Variants in TRIM46 observed in about 807,000 individuals in gnomAD.
TRIM46 encodes the protein tripartite motif containing 46.
TRIM46 carries 17 observed loss-of-function variants against 69.7 expected under a neutral mutation model. The ratio of observed to expected loss-of-function variants is 0.24; its 90% CI spans 0.17 to 0.37. The LOEUF is 0.37. Ranked by LOEUF, TRIM46 falls within the 10% of genes least tolerant of loss-of-function variation. The pLI is 1.00. For missense variants in TRIM46, 675 were observed against 1,025.1 expected (o/e 0.66, Z 4.66); for synonymous variants, 391 against 429.0 (o/e 0.91, Z 1.09).
Position 155,181,461 on chromosome 1 carries a change from TG to T in TRIM46, c.1589-390del, listed in dbSNP as rs1666169847. Among the ~76,000 whole-genome samples, 1 of 151,912 alleles carries T rather than the reference TG, an allele frequency of 6.6e-6. No individual in the cohort carries two copies. On this transcript the variant is annotated intron_variant, in intron 8 of 9. Transcript: ENST00000334634. This position sits in a 1 kb window ranked among gnomAD's most constrained non-coding sequence, Gnocchi z 4.3. ...ATAGGGGCTGGGTATAAGGGCCAGG[TG>T]TGAACCCAGAGTATGGGCTGGAAGG...
intron 9 of TRIM46, chr1:155,182,401 T>C: frequency 3.5e-6 from 2 of 577,386 alleles, no homozygotes; most frequent in South Asian, 2.2e-5. Flanking sequence ...GAGGGAGCCA[T>C]CTCTGCTTCC....
chr1:155,178,108 A>G lies in TRIM46; in HGVS notation c.1016A>G (p.Gln339Arg). Residue 339 changes from glutamine to arginine, a missense_variant, in exon 6 of 10, where the codon CAG becomes CGG. Transcript: ENST00000334634. ...CTGCTTCAGGCCATTGAAGAATGCC[A>G]GCAGGAGCGGCTGGCCCGTCTCAGC... is the stretch of plus-strand genomic sequence containing the variant. ...ASLLQAIEEC[Q>R]QERLARLSAQ... The G allele has an allele frequency of 1.2e-6, 2 of 1,614,196 alleles. No homozygotes were observed. Among genetic ancestry groups the G allele is most frequent in the Non-Finnish European group, 1.7e-6 (2 of 1,180,022 alleles).
At chr1:155,176,861 TGCTGTAGTGGTA>T (rs1665697922) in intron 3 of TRIM46, 59 bp from the exon 4 acceptor site, 3 of 1,566,958 alleles carry the variant, frequency 1.9e-6, no homozygotes, top group Non-Finnish European at 2.6e-6. Flanking sequence ...GGCACCAAAC[TGCTGTAGTGGTA>T]GCATAGCACC....
intron 6 of TRIM46, 113 bp from the exon 7 acceptor site, chr1:155,178,379 T>G: frequency 6.3e-7 from 1 of 1,577,618 alleles, no homozygotes; most frequent in South Asian, 1.1e-5. Context: ...GAGGCCAAAC[T>G]GATACCAGCT....
intron 1 of TRIM46, chr1:155,174,766 G>A (rs1328005085): frequency 6.1e-6 from 9 of 1,464,254 alleles, no homozygotes; most frequent in South Asian, 1.3e-5. Context: ...TTCGGAGAAG[G>A]GGGTGCCGCT....
Position 155,182,066 on chromosome 1 carries a change from C to G in TRIM46, c.1803C>G (p.Ala601=). Residue 601 remains alanine, a synonymous_variant, in exon 9 of 10, where the codon GCC becomes GCG. Transcript: ENST00000334634. Reference sequence around the variant, plus strand: ...ACTGGGCCTGCGCCGTAGACCCAGCCTCCTACTTGGTCAAGGTGGGCGTCG... The same window carrying G: ...ACTGGGCCTGCGCCGTAGACCCAGCGTCCTACTTGGTCAAGGTGGGCGTCG... ...RSYWACAVDP[A]SYLVKVGVGL... is the part of the protein sequence containing the mutation. The G allele has an allele frequency of 6.2e-7, 1 of 1,614,136 alleles. No individual in the cohort carries two copies. Among genetic ancestry groups the G allele is most frequent in the Non-Finnish European group, 8.5e-7 (1 of 1,179,996 alleles).
chr1:155,178,031 G>A lies in TRIM46; in HGVS notation c.939G>A (p.Val313=), dbSNP rs934346781. 5 of 1,613,428 alleles carry A rather than the reference G, an allele frequency of 3.1e-6. No individual in the cohort carries two copies. In the African/African-American group the frequency reaches 5.3e-5, roughly 17 times the overall value. Residue 313 remains valine (V), a synonymous_variant, in exon 6 of 10, where the codon GTG becomes GTA. Coordinates refer to ENST00000334634, the MANE Select transcript of TRIM46 (RefSeq NM_025058.5). Reference sequence around the variant, plus strand: ...GTGGTCAGCAGGCCAAGGAGGAGGTGTCGCAGCTGGTGCGGGGGCTGGGGG... The same window carrying A: ...GTGGTCAGCAGGCCAAGGAGGAGGTATCGCAGCTGGTGCGGGGGCTGGGGG... ...EVSGQQAKEE[V]SQLVRGLGAV...
In TRIM46 at chr1:155,173,989, A is replaced by G. The variant is rs1415824535; in HGVS notation, c.23A>G (p.Gln8Arg). The G allele has an allele frequency of 6.3e-7, 1 of 1,575,156 alleles. No individual in the cohort carries two copies. The highest frequency in any genetic ancestry group is 1.9e-5 in the Admixed American group (1 of 53,506). The change falls in exon 1 of 10, where the codon CAG becomes CGG. Residue 8 changes from glutamine (Q) to arginine (R), a missense_variant. Coordinates refer to ENST00000334634, the MANE Select transcript of TRIM46 (RefSeq NM_025058.5). ...GCCATGGCAGAGGGTGAGGATATGC[A>G]GACCTTCACTTCCATCATGGACGCA... is the stretch of plus-strand genomic sequence containing the variant. MAEGEDM[Q>R]TFTSIMDALV...
intron 7 of TRIM46, 126 bp downstream of exon 7, chr1:155,178,739 T>TGGGGGCCCCCCCCCCCCCCCCC: frequency 7.4e-7 from 1 of 1,348,474 alleles, no homozygotes; most frequent in Non-Finnish European, 1.0e-6. Context: ...CAGCCATTCC[T>TGGGGGCCCCCCCCCCCCCCCCC]CCCACCCAGC....
In TRIM46 at chr1:155,179,705, C is replaced by T; in HGVS notation, c.1359C>T (p.Pro453=). Residue 453 remains proline, a synonymous_variant, in exon 8 of 10, where the codon CCC becomes CCT. Transcript: ENST00000334634. The stretch of plus-strand genomic sequence containing the variant: ...AGATCTTCCTGTGCTGGCGGCTGCC[C>T]CCCCATTCACCACCTGCCTGGCACT... The part of the protein sequence containing the change: ...YDQIFLCWRL[P]PHSPPAWHYT... 6.2e-7 allele frequency: 1 copy of T among 1,613,496 alleles called. No individual in the cohort carries two copies. Among genetic ancestry groups the T allele is most frequent in the Non-Finnish European group, 8.5e-7 (1 of 1,179,986 alleles).
chr1:155,178,739 T>TGGCGCCCCC, intron 7 of TRIM46, 126 bp downstream of exon 7: 1 of 1,348,474 alleles, frequency 7.4e-7, no homozygotes, highest in Non-Finnish European at 1.0e-6. Context: ...CAGCCATTCC[T>TGGCGCCCCC]CCCACCCAGC....
intron 7 of TRIM46, 37 bp downstream of exon 7, chr1:155,178,650 C>G (rs567301894): frequency 6.2e-7 from 1 of 1,606,792 alleles, no homozygotes; most frequent in East Asian, 2.2e-5. Context: ...CAACCAGAGC[C>G]TTCTTCCCTT....
At chr1:155,182,247 C>T (rs1458282747) in intron 9 of TRIM46, 98 bp downstream of exon 9, 4 of 677,852 alleles carry the variant, frequency 5.9e-6, no homozygotes, top group Non-Finnish European at 9.6e-6. Flanking sequence ...TAGGGTGGGG[C>T]TGGGAGGGGA....
intron 9 of TRIM46, 43 bp downstream of exon 9, chr1:155,182,192 GGAGT>G: frequency 6.3e-7 from 1 of 1,591,032 alleles, no homozygotes; most frequent in Non-Finnish European, 8.6e-7. Flanking sequence ...GGTCCTGGTG[GGAGT>G]GAGGGGCACA....
rs759613790 is a variant in TRIM46 at position 155,177,145 on chromosome 1, C to G, written c.814-50C>G. 8 of 1,613,916 alleles carry G rather than the reference C, an allele frequency of 5.0e-6. No individual in the cohort carries two copies. The South Asian group carries it at 8.8e-5, about 18-fold the overall frequency. On this transcript the variant is annotated intron_variant, in intron 4 of 9. Coordinates refer to ENST00000334634, the MANE Select transcript of TRIM46 (RefSeq NM_025058.5). Reference sequence around the variant, plus strand: ...ACCCTCTTGCACCTCCTCCCAACTGCTGGCTTCTGCAGAGCTGGGCTTGAT... The same window carrying G: ...ACCCTCTTGCACCTCCTCCCAACTGGTGGCTTCTGCAGAGCTGGGCTTGAT...
At chr1:155,180,660 C>G (rs1666096740) in intron 8 of TRIM46, 1 of 171,362 alleles carries the variant, frequency 5.8e-6, no homozygotes, top group African/African-American at 2.4e-5. Flanking sequence ...CCTGTAATCC[C>G]AGCACTTTGG....
rs1666165973 is a variant in TRIM46 at position 155,181,400 on chromosome 1, A to C, written c.1589-452A>C. 6.6e-6 allele frequency among the ~76,000 whole-genome samples: 1 copy of C among 152,176 alleles called. No individual in the cohort carries two copies. The highest frequency in any genetic ancestry group is 6.5e-5 in the Admixed American group (1 of 15,280). On this transcript the variant is annotated intron_variant, in intron 8 of 9. Coordinates refer to ENST00000334634, the MANE Select transcript of TRIM46 (RefSeq NM_025058.5). The surrounding 1 kb of genome is among the most constrained non-coding windows in gnomAD (Gnocchi z 4.3). ...GTGACTAGAAAATAGTTCGGACTCC[A>C]GGGGGTGGGCATAAGAGGGAAGCCT...
chr1:155,181,960 C>T lies in TRIM46; in HGVS notation c.1697C>T (p.Ala566Val). Residue 566 changes from alanine to valine, a missense_variant, in exon 9 of 10, where the codon GCT becomes GTT. Physicochemically the swap from Ala to Val is moderately conservative, Grantham distance 64. Around this residue, in one of 5 missense-constraint regions of TRIM46, gnomAD observed 361 missense variants for 498.3 expected, o/e 0.72. Transcript: ENST00000334634. The surrounding 1 kb of genome is among the most constrained non-coding windows in gnomAD (Gnocchi z 4.3). ...GTTCCAGGGCTGCCCCTGCTGCTGGCTGCTGACCGGCTGCTGACCGGCTGC... is the reference window on the plus strand; with the variant it reads ...GTTCCAGGGCTGCCCCTGCTGCTGGTTGCTGACCGGCTGCTGACCGGCTGC... ...RSVPGLPLLL[A>V]ADRLLTGCHL... 1 of 1,614,058 alleles carries T rather than the reference C, an allele frequency of 6.2e-7. No individual in the cohort carries two copies. The highest frequency in any genetic ancestry group is 1.7e-5 in the Admixed American group (1 of 60,016).
rs761711548 is a variant in TRIM46, at chr1:155,175,607, T to A, written c.285T>A (p.Thr95=). Residue 95 remains threonine, a synonymous_variant, in exon 2 of 10, where the codon ACT becomes ACA. Coordinates refer to ENST00000334634, the MANE Select transcript of TRIM46 (RefSeq NM_025058.5). This position sits in a 1 kb window ranked among gnomAD's most constrained non-coding sequence, Gnocchi z 4.2. ...GCAGCCCCCGCCTCTCCCGCAGAAC[T>A]CTCCCCAAGCCAGACCGCCTGGACC... ...STRSPRLSRR[T]LPKPDRLDRL... 6.2e-7 allele frequency: 1 copy of A among 1,613,556 alleles called. No homozygotes were observed. The highest frequency in any genetic ancestry group is 2.2e-5 in the East Asian group (1 of 44,864).
Sources: gnomAD v4.1 joint callset for allele counts (sites outside exome capture counted in the v4.1 genomes callset) on GRCh38, gnomAD v4.1.1 for gene constraint, gnomAD v4.1.1 regional missense constraint, Gnocchi (gnomAD v3.1) non-coding constraint, MANE v1.5 for transcripts, NCBI Gene and HGNC (gene_info 2026-07-23, HGNC 2026-07-21) for gene names.